Variants in COP1 observed in about 807,000 individuals in gnomAD.
The protein encoded by COP1 is E3 ubiquitin-protein ligase COP1.
Under a neutral mutation model 101.3 loss-of-function variants are expected in COP1, and 24 were observed. That is an observed-to-expected ratio of 0.24 (90% CI 0.17 to 0.33). The LOEUF (loss-of-function observed/expected upper bound fraction) is 0.33, where lower values mean the gene tolerates loss of function less well. COP1 is among the 10% of genes least tolerant of loss of function. The pLI is 1.00. For missense variants in COP1, 663 were observed against 906.2 expected (o/e 0.73, Z 3.45); for synonymous variants, 347 against 341.9 (o/e 1.01, Z -0.17).
rs559487778 is a variant in COP1 at position 175,984,444 on chromosome 1, G to A, written c.2133+2499C>T. On this transcript the variant is annotated intron_variant, in intron 18 of 19. Coordinates refer to ENST00000367669, the MANE Select transcript of COP1 (RefSeq NM_022457.7). Reference sequence around the variant, plus strand: ...TAGATTTCAGAGGATGTATGGAAACGCCTGGCTATCCAGGCAGAAGTTTGC... The same window carrying A: ...TAGATTTCAGAGGATGTATGGAAACACCTGGCTATCCAGGCAGAAGTTTGC... Among the ~76,000 whole-genome samples the A allele has an allele frequency of 1.2e-4, 18 of 152,296 alleles. No individual in the cohort carries two copies. In the South Asian group the frequency reaches 3.5e-3, roughly 30 times the overall value.
chr1:176,034,653 A>T (rs1669183871), intron 14 of COP1, among the ~76,000 whole-genome samples: 1 of 152,172 alleles, frequency 6.6e-6, no homozygotes, highest in Non-Finnish European at 1.5e-5. Flanking sequence ...ATGGAGAAGG[A>T]GATTCTACAG....
In COP1 at chr1:176,207,251, G is replaced by A. The variant is rs1039518698; in HGVS notation, c.-273C>T. ...CGCGGTCCCTGTAGCAGCCAACCCC[G>A]GCGCGCCGTGGCCGGCCGTGCGCGC... On this transcript the variant is annotated 5_prime_UTR_variant, in exon 1 of 20. Transcript: ENST00000367669. The A allele has an allele frequency of 1.5e-5, 6 of 394,378 alleles. No homozygotes were observed. Among genetic ancestry groups the A allele is most frequent in the Admixed American group, 8.9e-5 (2 of 22,470 alleles). The allele number at this position is 394,378 out of a possible 1,614,324, so 24.4% of individuals were successfully genotyped here.
intron 15 of COP1, among the ~76,000 whole-genome samples, chr1:175,990,513 T>C (rs1658145314): frequency 2.0e-5 from 3 of 152,170 alleles, no homozygotes; most frequent in African/African-American, 2.4e-5. Context: ...TTGACAATGT[T>C]ATTCAAGTCT....
intron 14 of COP1, among the ~76,000 whole-genome samples, chr1:176,029,892 T>G (rs1046083464): frequency 3.3e-5 from 5 of 152,154 alleles, no homozygotes; most frequent in African/African-American, 1.2e-4. Flanking sequence ...TCTGATAAAT[T>G]TATTAGCCTT....
chr1:175,998,364 T>C (rs2148837814), intron 15 of COP1, among the ~76,000 whole-genome samples: 1 of 151,110 alleles, frequency 6.6e-6, no homozygotes, highest in Non-Finnish European at 1.5e-5. Flanking sequence ...TAATGCTAAA[T>C]GACGAATTAA....
intron 8 of COP1, among the ~76,000 whole-genome samples, chr1:176,126,312 G>T (rs895185243): frequency 1.3e-5 from 2 of 152,166 alleles, no homozygotes; most frequent in African/African-American, 4.8e-5. Flanking sequence ...TAAGAGGAAA[G>T]GTTTCACTTT....
chr1:176,194,280 G>A (rs1286732165), intron 1 of COP1, among the ~76,000 whole-genome samples: 1 of 152,028 alleles, frequency 6.6e-6, no homozygotes, highest in Non-Finnish European at 1.5e-5. Context: ...AAACAAGACA[G>A]TACACACAAA....
At chr1:176,113,869 G>A (rs1685707878) in intron 9 of COP1, among the ~76,000 whole-genome samples, 1 of 151,826 alleles carries the variant, frequency 6.6e-6, no homozygotes, top group Non-Finnish European at 1.5e-5. Flanking sequence ...TCTTATCTAG[G>A]AGCACAGAAG....
At chr1:175,984,873 T>C (rs1482144187) in intron 18 of COP1, among the ~76,000 whole-genome samples, 1 of 152,200 alleles carries the variant, frequency 6.6e-6, no homozygotes, top group Non-Finnish European at 1.5e-5. Context: ...TTTGGCCAAT[T>C]TCTCCCATTT....
intron 9 of COP1, among the ~76,000 whole-genome samples, chr1:176,088,060 T>G (rs970968363): frequency 6.6e-6 from 1 of 151,920 alleles, no homozygotes; most frequent in African/African-American, 2.4e-5. Context: ...ACAATGAGAA[T>G]ACTTGGACAC....
Position 176,131,239 on chromosome 1 carries a change from T to C in COP1, c.968+3771A>G, listed in dbSNP as rs115150424. Among the ~76,000 whole-genome samples, 978 of 151,958 alleles carry C rather than the reference T, an allele frequency of 6.4e-3. 8 individuals carry two copies. Among genetic ancestry groups the C allele is most frequent in the African/African-American group, 0.022 (928 of 41,532 alleles). On this transcript the variant is annotated intron_variant, in intron 8 of 19. Transcript: ENST00000367669. ...TTTTAAGCAGGAAAGAAACATCATA[T>C]TTCTGGCAATAACACATAAAAGGAT...
intron 11 of COP1, among the ~76,000 whole-genome samples, chr1:176,049,363 C>T (rs556848737): frequency 2.6e-5 from 4 of 151,932 alleles, no homozygotes; most frequent in South Asian, 2.1e-4. Context: ...GATTTCATTG[C>T]TATTATTTTC....
intron 14 of COP1, among the ~76,000 whole-genome samples, chr1:176,039,382 C>A (rs1036359904): frequency 2.6e-5 from 4 of 151,636 alleles, no homozygotes; most frequent in African/African-American, 7.3e-5. Context: ...TAAGCTTCTG[C>A]TTTAGAAAAC....
intron 10 of COP1, among the ~76,000 whole-genome samples, chr1:176,085,299 T>C (rs1011512908): frequency 1.4e-4 from 21 of 152,082 alleles, no homozygotes; most frequent in African/African-American, 4.6e-4. Flanking sequence ...GATATTATTA[T>C]CTATTCTCAT....
intron 8 of COP1, among the ~76,000 whole-genome samples, chr1:176,129,073 T>C (rs546861866): frequency 1.6e-4 from 24 of 152,034 alleles, no homozygotes; most frequent in African/African-American, 5.8e-4. Context: ...CTTAATATAG[T>C]CCAGAAGCTA....
rs148758900 is a variant in COP1 at position 176,050,295 on chromosome 1, T to C, written c.1278-3971A>G. 2.6e-3 allele frequency among the ~76,000 whole-genome samples: 399 copies of C among 152,328 alleles called. 3 individuals carry two copies. The highest frequency in any genetic ancestry group is 9.2e-3 in the African/African-American group (381 of 41,578). On this transcript the variant is annotated intron_variant, in intron 11 of 19. Coordinates refer to ENST00000367669, the MANE Select transcript of COP1 (RefSeq NM_022457.7). ...GTGATTAAGCAGCAAGGCAAGAAAC[T>C]GCACAGGACAGCTGATTAATGCATA...
chr1:176,035,226 T>C (rs1015239383), intron 14 of COP1, among the ~76,000 whole-genome samples: 5 of 151,922 alleles, frequency 3.3e-5, no homozygotes, highest in Non-Finnish European at 5.9e-5. Flanking sequence ...AATGGAAAGA[T>C]AGAAGTACTC....
intron 8 of COP1, among the ~76,000 whole-genome samples, chr1:176,124,192 C>T (rs1409861968): frequency 1.3e-5 from 2 of 152,050 alleles, no homozygotes; most frequent in East Asian, 1.9e-4. Context: ...TACAGGCATG[C>T]AATATGTAAT....
intron 18 of COP1, among the ~76,000 whole-genome samples, chr1:175,972,854 C>T (rs56949697): frequency 0.042 from 6,375 of 152,120 alleles, 158 homozygotes; most frequent in Non-Finnish European, 0.048. Context: ...TTTTTTGAGA[C>T]GGAGTTTCGC....
Sources: allele counts gnomAD v4.1 joint callset (sites outside exome capture counted in the v4.1 genomes callset), GRCh38; gene constraint gnomAD v4.1.1; transcripts MANE v1.5; gene names NCBI Gene and HGNC (gene_info 2026-07-23, HGNC 2026-07-21).